The following SRBD1 variants were observed in gnomAD, a reference collection of about 807,000 sequenced individuals.
The protein encoded by SRBD1 is S1 RNA binding domain 1.
SRBD1 carries 88 observed loss-of-function variants against 115.3 expected under a neutral mutation model. That is an observed-to-expected ratio of 0.76 (90% CI 0.64 to 0.91). The LOEUF (loss-of-function observed/expected upper bound fraction) is 0.91. Among genes scored for constraint, SRBD1 ranks in the 40% least tolerant of loss-of-function variants. SRBD1 has a pLI of 0.00. For synonymous variants in SRBD1, 509 were observed against 407.7 expected (o/e 1.25, Z -2.99); for missense variants, 1,385 against 1,177.4 (o/e 1.18, Z -2.58).
At chr2:45,500,299 G>T (rs930866238) in intron 14 of SRBD1, among the ~76,000 whole-genome samples, 1 of 151,254 alleles carries the variant, frequency 6.6e-6, no homozygotes, top group Non-Finnish European at 1.5e-5. Context: ...GTGTGTGTGT[G>T]TATGTGTGTG....
rs1673028139 is a variant in SRBD1 at position 45,571,806 on chromosome 2, C to G, written c.1305+1401G>C. 2.0e-5 allele frequency among the ~76,000 whole-genome samples: 3 copies of G among 151,630 alleles called. No individual in the cohort carries two copies. In the South Asian group the frequency reaches 6.3e-4, roughly 32 times the overall value. ...TGAATACAAAGAATAAATCAACAAG[C>G]CTGAAGATAGGTCAAATGGGAATAT... On this transcript the variant is annotated intron_variant, in intron 9 of 20. Coordinates refer to ENST00000263736, the MANE Select transcript of SRBD1 (RefSeq NM_018079.5).
Position 45,389,290 on chromosome 2 carries a change from G to C in SRBD1, c.*20C>G. ...GTGGAAATGAGAAAATAAAATCAGCGTCTGGCCTTCGTGGGATACTCATAA... is the reference window on the plus strand; with the variant it reads ...GTGGAAATGAGAAAATAAAATCAGCCTCTGGCCTTCGTGGGATACTCATAA... On this transcript the variant is annotated 3_prime_UTR_variant, in exon 21 of 21. Coordinates refer to ENST00000263736, the MANE Select transcript of SRBD1 (RefSeq NM_018079.5). 1.2e-6 allele frequency: 2 copies of C among 1,603,754 alleles called. No homozygotes were observed. The highest frequency in any genetic ancestry group is 1.7e-6 in the Non-Finnish European group (2 of 1,173,278).
intron 12 of SRBD1, among the ~76,000 whole-genome samples, chr2:45,548,271 G>A (rs528564851): frequency 6.6e-6 from 1 of 151,638 alleles, no homozygotes; most frequent in Non-Finnish European, 1.5e-5. Flanking sequence ...AAATGCAACA[G>A]AAAAGATCAA....
At chr2:45,590,488 G>C (rs532794400) in intron 4 of SRBD1, among the ~76,000 whole-genome samples, 77 of 152,280 alleles carry the variant, frequency 5.1e-4, no homozygotes, top group African/African-American at 1.7e-3. Flanking sequence ...TAATCCCCAC[G>C]TGTCAAGGGC....
chr2:45,434,479 T>C (rs1433676578), intron 16 of SRBD1, among the ~76,000 whole-genome samples: 1 of 152,246 alleles, frequency 6.6e-6, no homozygotes, highest in Non-Finnish European at 1.5e-5. Context: ...GCAAACAATT[T>C]TTTTTTGCAG....
chr2:45,400,813 G>A (rs1667271884), intron 19 of SRBD1, among the ~76,000 whole-genome samples: 1 of 150,940 alleles, frequency 6.6e-6, no homozygotes, highest in Admixed American at 6.8e-5. Context: ...GAAAACTGAG[G>A]TATAGAGAGG....
intron 5 of SRBD1, 140 bp downstream of exon 5, chr2:45,585,468 T>C: frequency 3.4e-6 from 3 of 893,390 alleles, no homozygotes; most frequent in Non-Finnish European, 4.9e-6. Flanking sequence ...ACTCGCTAAA[T>C]AAAGAGGACT....
chr2:45,593,848 T>C (rs1036189872), intron 4 of SRBD1, among the ~76,000 whole-genome samples: 4 of 152,150 alleles, frequency 2.6e-5, no homozygotes, highest in Admixed American at 1.3e-4. Flanking sequence ...AAACCAGTGC[T>C]GTTAGAAATC....
At chr2:45,594,442 T>C (rs1488197786) in intron 4 of SRBD1, among the ~76,000 whole-genome samples, 1 of 152,182 alleles carries the variant, frequency 6.6e-6, no homozygotes, top group Non-Finnish European at 1.5e-5. Context: ...TTCCCAAAAA[T>C]TGTCTGTAGC....
intron 16 of SRBD1, among the ~76,000 whole-genome samples, chr2:45,463,733 T>C (rs890821858): frequency 2.0e-5 from 3 of 152,206 alleles, no homozygotes; most frequent in African/African-American, 7.2e-5. Context: ...AAAGCAGTAA[T>C]ACCTTTATGA....
intron 16 of SRBD1, among the ~76,000 whole-genome samples, chr2:45,467,074 A>G (rs147089678): frequency 6.6e-6 from 1 of 152,356 alleles, no homozygotes; most frequent in East Asian, 1.9e-4. Context: ...AACACAGACT[A>G]CAGGGTCCAA....
At chr2:45,463,207 C>CT (rs914102101) in intron 16 of SRBD1, among the ~76,000 whole-genome samples, 50 of 152,284 alleles carry the variant, frequency 3.3e-4, no homozygotes, top group African/African-American at 1.2e-3. Context: ...GCCACCCTTC[C>CT]TGTCTCTGTA....
chr2:45,505,334 T>C (rs1164056296), intron 14 of SRBD1, among the ~76,000 whole-genome samples: 1 of 152,148 alleles, frequency 6.6e-6, no homozygotes, highest in Non-Finnish European at 1.5e-5. Context: ...AGAAGCTGCC[T>C]AGAGAGCACA....
chr2:45,428,236 G>A (rs753604425), intron 16 of SRBD1, among the ~76,000 whole-genome samples: 3 of 152,108 alleles, frequency 2.0e-5, no homozygotes, highest in Non-Finnish European at 4.4e-5. Flanking sequence ...TGAACAACCC[G>A]CTCCTGAATG....
At chr2:45,498,227 G>T (rs1210326453) in intron 14 of SRBD1, among the ~76,000 whole-genome samples, 15 of 151,812 alleles carry the variant, frequency 9.9e-5, no homozygotes, top group Admixed American at 9.2e-4. Context: ...TATCTATTCT[G>T]CCCATTTTTA....
intron 10 of SRBD1, among the ~76,000 whole-genome samples, chr2:45,558,360 G>C (rs1044002935): frequency 2.6e-5 from 4 of 152,104 alleles, no homozygotes; most frequent in African/African-American, 9.7e-5. Context: ...TATTTAGAGA[G>C]CAAATGCAGA....
chr2:45,590,157 T>A (rs1673673130), intron 4 of SRBD1, among the ~76,000 whole-genome samples: 1 of 152,216 alleles, frequency 6.6e-6, no homozygotes, highest in African/African-American at 2.4e-5. Context: ...AAAACTGCCT[T>A]TGCAAAAATC....
intron 15 of SRBD1, among the ~76,000 whole-genome samples, chr2:45,478,534 T>C (rs1370497818): frequency 6.6e-6 from 1 of 152,214 alleles, no homozygotes; most frequent in Non-Finnish European, 1.5e-5. Flanking sequence ...TCCAAGGCCT[T>C]CACATAAACC....
At chr2:45,486,061 G>C (rs2103847220) in intron 15 of SRBD1, among the ~76,000 whole-genome samples, 1 of 152,286 alleles carries the variant, frequency 6.6e-6, no homozygotes, top group Admixed American at 6.5e-5. Context: ...TTTGAAATTA[G>C]AGTAATTAGA....
Sources: allele counts gnomAD v4.1 joint callset (sites outside exome capture counted in the v4.1 genomes callset), GRCh38; gene constraint gnomAD v4.1.1; transcripts MANE v1.5; gene names NCBI Gene and HGNC (gene_info 2026-07-23, HGNC 2026-07-21).